The following PCDH7 variants were observed in gnomAD, a reference collection of about 807,000 sequenced individuals.
The protein encoded by PCDH7 is protocadherin-7.
A neutral mutation model predicts 58.9 loss-of-function variants in PCDH7; 17 were observed. The observed-to-expected ratio is 0.29, with a 90% CI of 0.20 to 0.43. The LOEUF (loss-of-function observed/expected upper bound fraction) is 0.43, where lower values mean the gene tolerates loss of function less well. Among genes scored for constraint, PCDH7 ranks in the 20% least tolerant of loss-of-function variants. The probability of loss-of-function intolerance (pLI) is 1.00; values close to 1 mark genes in which losing one functional copy is unlikely to be tolerated. For synonymous variants in PCDH7, 664 were observed against 616.4 expected (o/e 1.08, Z -1.14); for missense variants, 1,274 against 1,441.0 (o/e 0.88, Z 1.88).
chr4:31,086,966 A>G (rs1184182975), intron 3 of PCDH7, among the ~76,000 whole-genome samples: 4 of 152,308 alleles, frequency 2.6e-5, no homozygotes, highest in Non-Finnish European at 5.9e-5. Context: ...GGATCAAGAC[A>G]TTATAGATAC....
chr4:30,866,447 GCT>G, intron 1 of PCDH7, among the ~76,000 whole-genome samples: 1 of 152,132 alleles, frequency 6.6e-6, no homozygotes, highest in African/African-American at 2.4e-5. Flanking sequence ...TGAAGTTCAT[GCT>G]CTTTCCATTA....
chr4:30,784,814 T>G (rs1183713674), intron 1 of PCDH7, among the ~76,000 whole-genome samples: 1 of 151,976 alleles, frequency 6.6e-6, no homozygotes, highest in Non-Finnish European at 1.5e-5. Flanking sequence ...AATGGGGATG[T>G]TAGCAAAATA....
intron 1 of PCDH7, among the ~76,000 whole-genome samples, chr4:30,742,423 C>T (rs1040168295): frequency 2.0e-5 from 3 of 152,048 alleles, no homozygotes; most frequent in East Asian, 3.9e-4. Context: ...ATATGCACAT[C>T]GTGAAGGAAG....
intron 3 of PCDH7, among the ~76,000 whole-genome samples, chr4:31,076,932 C>G (rs775459685): frequency 6.6e-6 from 1 of 151,974 alleles, no homozygotes; most frequent in Non-Finnish European, 1.5e-5. Context: ...TGATAAAACA[C>G]TGGAAGACTT....
intron 1 of PCDH7, among the ~76,000 whole-genome samples, chr4:30,908,192 A>G (rs1741234259): frequency 6.6e-6 from 1 of 151,246 alleles, no homozygotes; most frequent in African/African-American, 2.4e-5. Context: ...ATGTATGCCT[A>G]TGTAACAAAC....
chr4:30,748,649 A>T (rs1377846972), intron 1 of PCDH7, among the ~76,000 whole-genome samples: 2 of 152,198 alleles, frequency 1.3e-5, no homozygotes, highest in Non-Finnish European at 2.9e-5. Context: ...ATGGCAATTA[A>T]GTTTTTGATA....
intron 1 of PCDH7, among the ~76,000 whole-genome samples, chr4:30,897,863 G>A (rs1739653279): frequency 6.6e-6 from 1 of 152,072 alleles, no homozygotes; most frequent in Non-Finnish European, 1.5e-5. Flanking sequence ...TTCAAATTTT[G>A]GCCAACTAGT....
chr4:30,730,995 C>A (rs1577568899), exon 2 of PCDH7: 9 of 1,231,068 alleles, frequency 7.3e-6, no homozygotes, highest in Non-Finnish European at 9.1e-6. Flanking sequence ...AGTATTAATG[C>A]AGAAATGTGC....
intron 3 of PCDH7, among the ~76,000 whole-genome samples, chr4:31,081,760 A>C (rs1441467479): frequency 6.7e-6 from 1 of 150,056 alleles, no homozygotes; most frequent in Admixed American, 6.6e-5. Context: ...CTTTAAAGGG[A>C]CTTTTTTTAA....
intron 3 of PCDH7, among the ~76,000 whole-genome samples, chr4:31,016,801 G>A (rs187210731): frequency 4.4e-4 from 67 of 150,990 alleles, no homozygotes; most frequent in Admixed American, 3.1e-3. Flanking sequence ...GTGTGTGTGC[G>A]TGTGTGCATG....
intron 3 of PCDH7, among the ~76,000 whole-genome samples, chr4:31,012,038 TAGTC>T (rs1237132697): frequency 5.3e-5 from 8 of 152,098 alleles, no homozygotes; most frequent in Admixed American, 5.2e-4. Flanking sequence ...AGGAAAATTT[TAGTC>T]AGCACCAAAT....
chr4:30,823,271 A>T (rs977483867), intron 1 of PCDH7, among the ~76,000 whole-genome samples: 1 of 151,622 alleles, frequency 6.6e-6, no homozygotes. Flanking sequence ...TATCTCTTTC[A>T]CTCCGATGCC....
At chr4:30,757,682 C>T (rs115838064) in intron 1 of PCDH7, among the ~76,000 whole-genome samples, 2,599 of 152,304 alleles carry the variant, frequency 0.017, 69 homozygotes, top group African/African-American at 0.059. Flanking sequence ...AGTTGTTCTC[C>T]TTCCTTTAGT....
chr4:30,936,346 A>G (rs372208865), intron 2 of PCDH7, among the ~76,000 whole-genome samples: 2 of 152,090 alleles, frequency 1.3e-5, no homozygotes, highest in South Asian at 4.1e-4. Flanking sequence ...TTTATTATTT[A>G]TTATTTGCCA....
chr4:30,909,270 C>G (rs1397507669), intron 1 of PCDH7, among the ~76,000 whole-genome samples: 2 of 152,156 alleles, frequency 1.3e-5, no homozygotes, highest in Non-Finnish European at 2.9e-5. Flanking sequence ...AAAAACGGCA[C>G]AAGACAAGGA....
At chr4:30,881,599 C>T (rs1313797944) in intron 1 of PCDH7, among the ~76,000 whole-genome samples, 1 of 152,146 alleles carries the variant, frequency 6.6e-6, no homozygotes, top group Admixed American at 6.6e-5. Context: ...AGTTAGGTCT[C>T]TTAACAGCTT....
At chr4:31,034,397 A>G (rs1267683859) in intron 3 of PCDH7, among the ~76,000 whole-genome samples, 2 of 152,224 alleles carry the variant, frequency 1.3e-5, no homozygotes, top group Non-Finnish European at 2.9e-5. Context: ...TACTTTAACA[A>G]TAATTACGAT....
At chr4:31,052,643 C>T (rs887792579) in intron 3 of PCDH7, among the ~76,000 whole-genome samples, 3 of 152,036 alleles carry the variant, frequency 2.0e-5, no homozygotes, top group Non-Finnish European at 4.4e-5. Flanking sequence ...AAAAATCATA[C>T]CAAGCACAAG....
Position 31,124,100 on chromosome 4 carries a change from G to A in PCDH7, c.*8-18373G>A, listed in dbSNP as rs140759136. On this transcript the variant is annotated intron_variant, in intron 3 of 3. Transcript: ENST00000509759. ...GGTGGTTTTGGAAAAGGCAACATTC[G>A]AGCAGGAGAAAAGGAATACAGGTTC... 3.2e-4 allele frequency among the ~76,000 whole-genome samples: 49 copies of A among 152,188 alleles called. No individual in the cohort carries two copies. In the East Asian group the frequency reaches 5.6e-3, roughly 17 times the overall value.
Sources: allele counts gnomAD v4.1 joint callset (sites outside exome capture counted in the v4.1 genomes callset), GRCh38; gene constraint gnomAD v4.1.1; transcripts MANE v1.5; gene names NCBI Gene and HGNC (gene_info 2026-07-23, HGNC 2026-07-21).